The following SOX5 variants were observed in gnomAD, a reference collection of about 807,000 sequenced individuals.
SOX5 encodes transcription factor SOX-5.
In SOX5, 9 loss-of-function variants were observed where a neutral mutation model predicts 92.0. That is an observed-to-expected ratio of 0.10 (90% CI 0.06 to 0.17). SOX5 has a LOEUF of 0.17. Ranked by LOEUF, SOX5 falls within the 10% of genes least tolerant of loss-of-function variation. SOX5 has a pLI of 1.00. For missense variants in SOX5, 642 were observed against 944.5 expected, an observed-to-expected ratio of 0.68 and a Z score of 4.20; for synonymous variants, 344 against 336.3, an observed-to-expected ratio of 1.02 and a Z score of -0.25.
rs111860072 is a variant in SOX5 at position 23,826,174 on chromosome 12, C to G, written c.481+19809G>C. ...TATCTCCTAATGCTATCCCTCCCCC[C>G]TCCCCCTACCCCACAACAGGCCCCG... On this transcript the variant is annotated intron_variant, in intron 3 of 14. Coordinates refer to ENST00000451604, the MANE Select transcript of SOX5 (RefSeq NM_006940.6). Among the ~76,000 whole-genome samples, 4 of 150,698 alleles carry G rather than the reference C, an allele frequency of 2.7e-5. 1 individual carries two copies. Among genetic ancestry groups the G allele is most frequent in the East Asian group, 2.0e-4 (1 of 5,082 alleles).
intron 3 of SOX5, among the ~76,000 whole-genome samples, chr12:23,786,959 T>G (rs1483801384): frequency 6.9e-6 from 1 of 145,658 alleles, no homozygotes; most frequent in African/African-American, 2.5e-5. Context: ...GTGATCACAG[T>G]TGGAGAACTA....
At chr12:24,411,530 T>C (rs1347897948) in intron 1 of SOX5, among the ~76,000 whole-genome samples, 8 of 152,200 alleles carry the variant, frequency 5.3e-5, no homozygotes, top group African/African-American at 2.4e-5. Context: ...CTGTGGAATT[T>C]TGTCAGTGCA....
chr12:24,503,517 C>A (rs1948429636), intron 1 of SOX5, among the ~76,000 whole-genome samples: 1 of 152,220 alleles, frequency 6.6e-6, no homozygotes, highest in South Asian at 2.1e-4. Context: ...TATAAACACA[C>A]ATGCACACGT....
At chr12:24,545,019 G>C (rs140341835) in intron 1 of SOX5, among the ~76,000 whole-genome samples, 1 of 151,866 alleles carries the variant, frequency 6.6e-6, no homozygotes, top group Non-Finnish European at 1.5e-5. Flanking sequence ...TTTTATTGAC[G>C]GTTTATATAC....
chr12:23,543,837 C>T, intron 12 of SOX5, among the ~76,000 whole-genome samples: 1 of 152,114 alleles, frequency 6.6e-6, no homozygotes, highest in East Asian at 1.9e-4. Context: ...CATATAGTAC[C>T]TTATGTTCTC....
intron 4 of SOX5, among the ~76,000 whole-genome samples, chr12:23,970,473 T>G (rs1295281093): frequency 6.6e-6 from 1 of 152,098 alleles, no homozygotes; most frequent in Non-Finnish European, 1.5e-5. Flanking sequence ...CAGTCTCTGG[T>G]AACCTCATAT....
chr12:24,195,754 T>G (rs1956951372), intron 4 of SOX5, among the ~76,000 whole-genome samples: 3 of 152,188 alleles, frequency 2.0e-5, no homozygotes, highest in African/African-American at 7.2e-5. Context: ...AATCCTAAAA[T>G]TCAACCAACA....
intron 4 of SOX5, among the ~76,000 whole-genome samples, chr12:24,108,163 C>A (rs1454318232): frequency 3.9e-5 from 6 of 152,104 alleles, no homozygotes; most frequent in African/African-American, 1.4e-4. Flanking sequence ...TATCTTTTGC[C>A]TTTCACCGTT....
chr12:23,967,838 A>G (rs1304422307), intron 4 of SOX5, among the ~76,000 whole-genome samples: 48 of 152,122 alleles, frequency 3.2e-4, no homozygotes, highest in Admixed American at 3.1e-3. Context: ...TAAATAGAAA[A>G]TTTTTGAAGA....
intron 13 of SOX5, among the ~76,000 whole-genome samples, chr12:23,537,729 G>T (rs898637329): frequency 6.6e-6 from 1 of 151,550 alleles, no homozygotes; most frequent in Non-Finnish European, 1.5e-5. Flanking sequence ...TTTAGATATG[G>T]TTTAAAACTT....
At chr12:23,749,229 C>T (rs2094107145) in intron 4 of SOX5, among the ~76,000 whole-genome samples, 1 of 151,908 alleles carries the variant, frequency 6.6e-6, no homozygotes, top group Admixed American at 6.6e-5. Flanking sequence ...AATTTAGCTA[C>T]ATATTCTTTA....
At chr12:23,665,362 T>C in intron 7 of SOX5, 82 bp downstream of exon 7, 1 of 1,451,818 alleles carries the variant, frequency 6.9e-7, no homozygotes, top group Non-Finnish European at 9.6e-7. Flanking sequence ...ATCTCATTTC[T>C]TGGTGTGGCA....
chr12:24,294,033 A>G (rs746503794), intron 2 of SOX5, among the ~76,000 whole-genome samples: 7 of 152,234 alleles, frequency 4.6e-5, no homozygotes, highest in Admixed American at 1.3e-4. Context: ...CTGGAAAAAA[A>G]TAAGATCTGG....
At chr12:24,025,860 C>T (rs890010197) in intron 4 of SOX5, among the ~76,000 whole-genome samples, 2 of 152,012 alleles carry the variant, frequency 1.3e-5, no homozygotes, top group Admixed American at 1.3e-4. Flanking sequence ...GGATCTCACT[C>T]AGGTGAATAT....
rs80028448 is a variant in SOX5, at chr12:23,915,478, G to A, written c.39-19454C>T. Among the ~76,000 whole-genome samples, 5 of 151,990 alleles carry A rather than the reference G, an allele frequency of 3.3e-5. No individual in the cohort carries two copies. The East Asian group carries it at 9.7e-4, about 29-fold the overall frequency. ...TTCGTGGTGTGAAGCTAAGATTTCT[G>A]AATCTTGCTAGAAAAGTGAGTAATC... is the stretch of plus-strand genomic sequence containing the variant. On this transcript the variant is annotated intron_variant, in intron 1 of 14. Transcript: ENST00000451604.
chr12:23,900,717 T>C (rs2097221144), intron 1 of SOX5, among the ~76,000 whole-genome samples: 1 of 152,148 alleles, frequency 6.6e-6, no homozygotes, highest in South Asian at 2.1e-4. Flanking sequence ...GACTCATGCC[T>C]GTAATCCCAG....
At chr12:23,966,482 T>C (rs879404886) in intron 4 of SOX5, among the ~76,000 whole-genome samples, 2 of 152,016 alleles carry the variant, frequency 1.3e-5, no homozygotes, top group Admixed American at 6.5e-5. Context: ...GAAAAATATA[T>C]TGAACTGCCC....
chr12:24,325,553 C>T (rs1950600054), intron 2 of SOX5, among the ~76,000 whole-genome samples: 1 of 152,044 alleles, frequency 6.6e-6, no homozygotes, highest in Non-Finnish European at 1.5e-5. Context: ...AGCTTCCCCT[C>T]AATGAAGAAC....
chr12:24,187,936 C>A (rs11047303), intron 4 of SOX5, among the ~76,000 whole-genome samples: 2,740 of 152,204 alleles, frequency 0.018, 48 homozygotes, highest in Non-Finnish European at 0.03. Flanking sequence ...AATGTAAAAT[C>A]TTTTAGAAAA....
Sources: allele counts gnomAD v4.1 joint callset (sites outside exome capture counted in the v4.1 genomes callset), GRCh38; gene constraint gnomAD v4.1.1; transcripts MANE v1.5; gene names NCBI Gene and HGNC (gene_info 2026-07-23, HGNC 2026-07-21).